The following AKR1C1 variants were observed in gnomAD, a reference collection of about 807,000 sequenced individuals.
AKR1C1 encodes the protein aldo-keto reductase family 1 member C1, also known as 20 alpha-hydroxysteroid dehydrogenase.
In AKR1C1, 32 loss-of-function variants were observed where a neutral mutation model predicts 40.6. The observed-to-expected ratio is 0.79, with a 90% CI of 0.60 to 1.06. The LOEUF is 1.06. Ranked by LOEUF, AKR1C1 falls within the 50% of genes least tolerant of loss-of-function variation. The pLI, the probability that AKR1C1 is intolerant of heterozygous loss-of-function variation, is 0.00. For missense variants in AKR1C1, 320 were observed against 363.5 expected (o/e 0.88, Z 0.97); for synonymous variants, 105 against 134.2 (o/e 0.78, Z 1.50).
At chr10:4,970,544 A>G (rs1264808830) in intron 5 of AKR1C1, among the ~76,000 whole-genome samples, 4 of 152,174 alleles carry the variant, frequency 2.6e-5, no homozygotes, top group African/African-American at 7.2e-5. Flanking sequence ...TGGTGAAGGT[A>G]GTTTTAAAAA....
intron 4 of AKR1C1, 115 bp from the exon 5 acceptor site, chr10:4,968,707 C>G: frequency 6.6e-7 from 1 of 1,509,816 alleles, no homozygotes; most frequent in Non-Finnish European, 8.9e-7. Flanking sequence ...TTATTTTTTC[C>G]CTTTTAAGAA....
At chr10:4,968,449 C>T in intron 4 of AKR1C1, 63 bp downstream of exon 4, 3 of 1,085,630 alleles carry the variant, frequency 2.8e-6, no homozygotes, top group Non-Finnish European at 4.0e-6. Context: ...TGTTTCCTAT[C>T]TTCTTAGTAC....
intron 2 of AKR1C1, 73 bp downstream of exon 2, chr10:4,966,154 G>A: frequency 6.5e-7 from 1 of 1,548,264 alleles, no homozygotes; most frequent in Non-Finnish European, 8.7e-7. Context: ...TTCTATGACT[G>A]GATCCATAGT....
intron 5 of AKR1C1, among the ~76,000 whole-genome samples, chr10:4,970,131 A>G (rs1338086885): frequency 6.6e-6 from 1 of 152,108 alleles, no homozygotes; most frequent in Non-Finnish European, 1.5e-5. Context: ...CTTCAAGGTA[A>G]ATTGTAAAGA....
At chr10:4,976,449 T>C in intron 8 of AKR1C1, among the ~76,000 whole-genome samples, 1 of 152,202 alleles carries the variant, frequency 6.6e-6, no homozygotes, top group Non-Finnish European at 1.5e-5. Context: ...TCAAACCTTT[T>C]TCGTGCCTGT....
In AKR1C1 at chr10:4,977,751, G is replaced by T. The variant is rs1466834331; in HGVS notation, c.*9G>T. ...TTTCTGATGAATATTAACATGGAGG[G>T]CATTGCATGAGGTCTGCCAGAAGGC... On this transcript the variant is annotated 3_prime_UTR_variant, in exon 9 of 9. Transcript: ENST00000380872. 1 of 1,611,558 alleles carries T rather than the reference G, an allele frequency of 6.2e-7. No homozygotes were observed. Among genetic ancestry groups the T allele is most frequent in the East Asian group, 2.2e-5 (1 of 44,834 alleles).
At position 4,978,438 on chromosome 10, in the gene AKR1C1, A is replaced by T. The variant is rs1836562017; in HGVS notation, c.*696A>T. ...TTTTTGAACATTATATCTTGCTCAT[A>T]AAAGAAAACTTTCCACATTGTTTTA... On this transcript the variant is annotated 3_prime_UTR_variant, in exon 9 of 9. Transcript: ENST00000380872. 1 of 151,742 alleles carries T rather than the reference A, an allele frequency of 6.6e-6. No homozygotes were observed. Among genetic ancestry groups the T allele is most frequent in the African/African-American group, 2.4e-5 (1 of 41,152 alleles). 9.4% of individuals were successfully genotyped at this position (151,742 alleles called of 1,614,324 possible). A position where few individuals can be genotyped will look rare whatever the true frequency, so the allele number is the denominator to read the frequency against.
rs527911738 is a variant in AKR1C1 at position 4,973,837 on chromosome 10, T to C, written c.846+1088T>C. On this transcript the variant is annotated intron_variant, in intron 7 of 8. Transcript: ENST00000380872. ...TATTTCATATATTCTTAAGAATACA[T>C]CCAAGTCTCTAAAGAATTAATATCC... Among the ~76,000 whole-genome samples the C allele has an allele frequency of 3.9e-5, 6 of 151,930 alleles. No homozygotes were observed. In the South Asian group the frequency reaches 1.2e-3, roughly 32 times the overall value.
At chr10:4,964,900 G>A (rs1836307503) in intron 1 of AKR1C1, among the ~76,000 whole-genome samples, 1 of 152,186 alleles carries the variant, frequency 6.6e-6, no homozygotes, top group Admixed American at 6.5e-5. Context: ...ATATAAACCT[G>A]CTGGTATCTG....
At chr10:4,972,549 C>T in intron 6 of AKR1C1, 35 bp from the exon 7 acceptor site, 3 of 1,610,996 alleles carry the variant, frequency 1.9e-6, no homozygotes, top group Non-Finnish European at 2.5e-6. Context: ...GTATCCCCAG[C>T]CTCAGGGCCT....
In AKR1C1 at chr10:4,982,725, G is replaced by A; in HGVS notation, c.*4983G>A. 1 of 291,470 alleles carries A rather than the reference G, an allele frequency of 3.4e-6. No homozygotes were observed. The highest frequency in any genetic ancestry group is 3.0e-5 in the South Asian group (1 of 32,816). The allele number at this position is 291,470 out of a possible 1,614,324, so 18.1% of individuals were successfully genotyped here. A position where few individuals can be genotyped will look rare whatever the true frequency, so the allele number is the denominator to read the frequency against. On this transcript the variant is annotated 3_prime_UTR_variant, in exon 9 of 9. Transcript: ENST00000380872. The stretch of plus-strand genomic sequence containing the variant: ...ACTTAGGGCAAGCTCAAATCCCACT[G>A]CTACCACCACAGCTGGTGCTCTTTT...
At chr10:4,967,109 T>C in intron 3 of AKR1C1, 66 bp downstream of exon 3, 1 of 1,481,212 alleles carries the variant, frequency 6.8e-7, no homozygotes, top group East Asian at 2.3e-5. Flanking sequence ...TTTTTATGGA[T>C]ATTTGAACTA....
rs1336576303 is a variant in AKR1C1 at position 4,968,696 on chromosome 10, T to C, written c.448-126T>C. ...ACTATCTTCTTCCCCAATTTTCTGT[T>C]TTATTTTTTCCCTTTTAAGAACCAC... On this transcript the variant is annotated intron_variant, in intron 4 of 8. Transcript: ENST00000380872. 3 of 1,475,812 alleles carry C rather than the reference T, an allele frequency of 2.0e-6. No homozygotes were observed. In the African/African-American group the frequency reaches 4.2e-5, roughly 21 times the overall value. 91.4% of individuals were successfully genotyped at this position (1,475,812 alleles called of 1,614,324 possible).
chr10:4,979,453 T>C lies in AKR1C1; in HGVS notation c.*1711T>C, dbSNP rs1836581686. The stretch of plus-strand genomic sequence containing the variant: ...AATCTCATGTAAACCATGGCCATCC[T>C]GTTCTACCTTAACTTTCTGAGTCTA... On this transcript the variant is annotated 3_prime_UTR_variant, in exon 9 of 9. Coordinates refer to ENST00000380872, the MANE Select transcript of AKR1C1 (RefSeq NM_001353.6). 6.6e-6 allele frequency: 1 copy of C among 152,186 alleles called. No individual in the cohort carries two copies. Among genetic ancestry groups the C allele is most frequent in the Non-Finnish European group, 1.5e-5 (1 of 68,022 alleles). 9.4% of individuals were successfully genotyped at this position (152,186 alleles called of 1,614,324 possible). A position where few individuals can be genotyped will look rare whatever the true frequency, so the allele number is the denominator to read the frequency against.
intron 1 of AKR1C1, among the ~76,000 whole-genome samples, chr10:4,964,467 G>T (rs191122444): frequency 1.2e-3 from 190 of 152,298 alleles, no homozygotes; most frequent in Admixed American, 4.5e-3. Flanking sequence ...ATACAGCAAA[G>T]AAATGATCAA....
At position 4,978,013 on chromosome 10, in the gene AKR1C1, G is replaced by A. The variant is rs1836553986; in HGVS notation, c.*271G>A. On this transcript the variant is annotated 3_prime_UTR_variant, in exon 9 of 9. Transcript: ENST00000380872. ...TGTTTTCTTTCCTTCTGACACACTA[G>A]TGCCCCTAAATTGTGATTTGCCTAT... 4.0e-6 allele frequency: 2 copies of A among 501,056 alleles called. No homozygotes were observed. The highest frequency in any genetic ancestry group is 5.7e-5 in the South Asian group (2 of 34,848). The allele number at this position is 501,056 out of a possible 1,614,324, so 31.0% of individuals were successfully genotyped here.
chr10:4,967,266 C>G, intron 3 of AKR1C1: 1 of 1,037,560 alleles, frequency 9.6e-7, no homozygotes, highest in Non-Finnish European at 1.3e-6. Context: ...CTCTCAAAGC[C>G]TCTGCCTCAA....
intron 1 of AKR1C1, chr10:4,963,766 C>T (rs763044822): frequency 1.3e-6 from 1 of 753,530 alleles, no homozygotes; most frequent in Admixed American, 1.8e-5. Context: ...GCAGAAAGAA[C>T]ACGGCTTGCC....
At chr10:4,971,763 T>C (rs1836432541) in intron 5 of AKR1C1, among the ~76,000 whole-genome samples, 1 of 151,816 alleles carries the variant, frequency 6.6e-6, no homozygotes, top group African/African-American at 2.4e-5. Context: ...ATATATATTA[T>C]ATGTCAGATC....
Sources: gnomAD v4.1 joint callset for allele counts (sites outside exome capture counted in the v4.1 genomes callset) on GRCh38, gnomAD v4.1.1 for gene constraint, MANE v1.5 for transcripts, NCBI Gene and HGNC (gene_info 2026-07-23, HGNC 2026-07-21) for gene names.